MOXD1: variants seen among roughly 807,000 people sequenced by gnomAD.
The protein encoded by MOXD1 is monooxygenase DBH like 1.
A neutral mutation model predicts 66.6 loss-of-function variants in MOXD1; 62 were observed. That is an observed-to-expected ratio of 0.93 (90% CI 0.76 to 1.15). MOXD1 has a LOEUF of 1.15. Among genes scored for constraint, MOXD1 ranks in the 50% most tolerant of loss-of-function variants. The pLI, the probability that MOXD1 is intolerant of heterozygous loss-of-function variation, is 0.00. For synonymous variants in MOXD1, 303 were observed against 281.9 expected (o/e 1.07, Z -0.75); for missense variants, 847 against 754.6 (o/e 1.12, Z -1.44).
chr6:132,326,051 AG>A (rs1396112273), intron 6 of MOXD1, among the ~76,000 whole-genome samples: 2 of 152,200 alleles, frequency 1.3e-5, no homozygotes, highest in Non-Finnish European at 2.9e-5. Flanking sequence ...TAAGTTTGAC[AG>A]GGAAAAAATA....
At chr6:132,330,390 G>A (rs142978032) in intron 4 of MOXD1, among the ~76,000 whole-genome samples, 164 of 152,266 alleles carry the variant, frequency 1.1e-3, no homozygotes, top group Middle Eastern at 3.4e-3. Context: ...TCTAGGCTGC[G>A]TGCTCTTTAT....
intron 1 of MOXD1, among the ~76,000 whole-genome samples, chr6:132,382,449 G>C (rs186796741): frequency 6.6e-6 from 1 of 152,134 alleles, no homozygotes; most frequent in East Asian, 1.9e-4. Context: ...CAAACACTTT[G>C]ATTTAGATCA....
At chr6:132,342,081 C>A (rs988124580) in intron 4 of MOXD1, among the ~76,000 whole-genome samples, 4 of 152,080 alleles carry the variant, frequency 2.6e-5, no homozygotes, top group African/African-American at 7.2e-5. Flanking sequence ...CGGCTCACTG[C>A]AAACTCCACC....
intron 4 of MOXD1, among the ~76,000 whole-genome samples, chr6:132,336,049 A>G (rs1050603235): frequency 5.3e-5 from 8 of 152,152 alleles, no homozygotes; most frequent in African/African-American, 1.9e-4. Context: ...TCCTGTACTC[A>G]TTCTTCCAAC....
chr6:132,364,826 C>T (rs1378723195), intron 4 of MOXD1, among the ~76,000 whole-genome samples: 2 of 152,064 alleles, frequency 1.3e-5, no homozygotes, highest in East Asian at 3.9e-4. Flanking sequence ...GGTTATCAGC[C>T]CTATGTACAG....
Position 132,335,875 on chromosome 6 carries a change from AAGCTAAATAGGTTTTTTTATTTAT to A in MOXD1, c.664-7305_664-7282del, listed in dbSNP as rs547046401. 4.6e-5 allele frequency among the ~76,000 whole-genome samples: 7 copies of A among 152,344 alleles called. No homozygotes were observed. The East Asian group carries it at 1.3e-3, about 29-fold the overall frequency. On this transcript the variant is annotated intron_variant, in intron 4 of 11. Coordinates refer to ENST00000367963, the MANE Select transcript of MOXD1 (RefSeq NM_015529.4). ...AATACACATTTCTCATACATGACTG[AAGCTAAATAGGTTTTTTTATTTAT>A]AGCTAAATATATGTGTGTCATGCTT...
chr6:132,399,890 A>G lies in MOXD1; in HGVS notation c.264+1273T>C, dbSNP rs923232762. Among the ~76,000 whole-genome samples, 5 of 152,338 alleles carry G rather than the reference A, an allele frequency of 3.3e-5. No individual in the cohort carries two copies. The South Asian group carries it at 1.0e-3, about 32-fold the overall frequency. On this transcript the variant is annotated intron_variant, in intron 1 of 11. Coordinates refer to ENST00000367963, the MANE Select transcript of MOXD1 (RefSeq NM_015529.4). ...ATTTGTGGTCAAATACTTGGTTCAT[A>G]AAGTTAATGTCTGAGATGCTGCAGG...
chr6:132,390,412 G>C (rs1344577662), intron 1 of MOXD1: 2 of 151,438 alleles, frequency 1.3e-5, no homozygotes, highest in African/African-American at 4.8e-5. Flanking sequence ...TAGCCACACA[G>C]ACACACTGCT....
chr6:132,401,194 C>T lies in MOXD1; in HGVS notation c.233G>A (p.Gly78Asp), dbSNP rs1430725175. 1.7e-5 allele frequency: 26 copies of T among 1,548,906 alleles called. No individual in the cohort carries two copies. Among genetic ancestry groups the T allele is most frequent in the Non-Finnish European group, 2.3e-5 (26 of 1,155,372 alleles). The change falls in exon 1 of 12, where the codon GGC (glycine) becomes GAC (aspartate). Residue 78 changes from glycine (G) to aspartate (D), a missense_variant. By Grantham distance (94) the Gly-to-Asp change is moderately conservative. Coordinates refer to ENST00000367963, the MANE Select transcript of MOXD1 (RefSeq NM_015529.4). ...GAMASADIVV[G>D]GVAHGRPYLQ... ...GTAGGGCCGCCCGTGGGCCACCCCG[C>T]CCACGACGATGTCGGCGGACGCCAT...
At chr6:132,324,778 C>G (rs930841589) in intron 6 of MOXD1, among the ~76,000 whole-genome samples, 1 of 152,140 alleles carries the variant, frequency 6.6e-6, no homozygotes, top group Non-Finnish European at 1.5e-5. Flanking sequence ...ATTTCATTAA[C>G]TTGGAAATTA....
intron 10 of MOXD1, among the ~76,000 whole-genome samples, chr6:132,302,702 A>C (rs1343676796): frequency 6.6e-6 from 1 of 152,134 alleles, no homozygotes; most frequent in Non-Finnish European, 1.5e-5. Context: ...GAAATTGACA[A>C]GTTGATTTAA....
intron 4 of MOXD1, among the ~76,000 whole-genome samples, chr6:132,344,821 G>A (rs962497214): frequency 4.6e-5 from 7 of 152,156 alleles, no homozygotes; most frequent in African/African-American, 1.7e-4. Context: ...CCAACTTTGG[G>A]TAAATAGGCT....
intron 4 of MOXD1, among the ~76,000 whole-genome samples, chr6:132,344,523 A>G (rs1775631165): frequency 6.6e-6 from 1 of 152,226 alleles, no homozygotes; most frequent in Non-Finnish European, 1.5e-5. Flanking sequence ...TTAAAGCCTG[A>G]AAACCAAGCC....
At chr6:132,373,312 C>T (rs1003324749) in intron 2 of MOXD1, among the ~76,000 whole-genome samples, 8 of 152,094 alleles carry the variant, frequency 5.3e-5, no homozygotes, top group African/African-American at 1.9e-4. Flanking sequence ...CATTGTCACG[C>T]CAAAACTTTA....
In MOXD1 at chr6:132,297,818, C is replaced by G; in HGVS notation, c.1646G>C (p.Arg549Thr). 2 of 1,612,474 alleles carry G rather than the reference C, an allele frequency of 1.2e-6. No homozygotes were observed. The highest frequency in any genetic ancestry group is 1.7e-6 in the Non-Finnish European group (2 of 1,179,266). Reference protein sequence around the residue: ...KLVLSLPVNVRCSKTDNAEWS... With the variant: ...KLVLSLPVNVTCSKTDNAEWS... Reference sequence around the variant, plus strand: ...CTCAGCATTGTCTGTCTTGGAACATCTCACATTCACTGGCAGGCTGAGGAC... The same window carrying G: ...CTCAGCATTGTCTGTCTTGGAACATGTCACATTCACTGGCAGGCTGAGGAC... Residue 549 changes from arginine to threonine, a missense_variant, in exon 11 of 12, where the codon AGA becomes ACA. Transcript: ENST00000367963.
intron 4 of MOXD1, among the ~76,000 whole-genome samples, chr6:132,329,185 A>G (rs757131286): frequency 6.6e-6 from 1 of 151,986 alleles, no homozygotes; most frequent in Non-Finnish European, 1.5e-5. Context: ...TCATTGTTCA[A>G]TTCCCACCTA....
rs1025982422 is a variant in MOXD1, at chr6:132,315,652, C to T, written c.1491G>A (p.Glu497=). The change falls in exon 10 of 12, where the codon GAG becomes GAA. Residue 497 remains glutamate (E), a synonymous_variant. Transcript: ENST00000367963. ...CTACTTACGTGACTGGTCTGTAGAT[C>T]TCCTTAACCCCAATGAACTGAAGTT... is the stretch of plus-strand genomic sequence containing the variant. ...MEQLQFIGVK[E]IYRPVTTWPF... 2.5e-6 allele frequency: 4 copies of T among 1,611,612 alleles called. No individual in the cohort carries two copies. In the African/African-American group the frequency reaches 4.0e-5, roughly 16 times the overall value.
At chr6:132,360,123 C>G (rs1308594978) in intron 4 of MOXD1, among the ~76,000 whole-genome samples, 1 of 152,180 alleles carries the variant, frequency 6.6e-6, no homozygotes, top group Admixed American at 6.5e-5. Flanking sequence ...CCTCAGGGAC[C>G]AATGTGTAAT....
chr6:132,371,073 A>G (rs1776254497), intron 4 of MOXD1, among the ~76,000 whole-genome samples: 2 of 152,202 alleles, frequency 1.3e-5, no homozygotes, highest in Admixed American at 6.5e-5. Flanking sequence ...GTTTGCCAGA[A>G]AGTGGATAAA....
Sources: allele counts gnomAD v4.1 joint callset (sites outside exome capture counted in the v4.1 genomes callset), GRCh38; gene constraint gnomAD v4.1.1; transcripts MANE v1.5; gene names NCBI Gene and HGNC (gene_info 2026-07-23, HGNC 2026-07-21).